The following ARHGEF18 variants were observed in gnomAD, a reference collection of about 807,000 sequenced individuals.
ARHGEF18 encodes the protein Rho/Rac guanine nucleotide exchange factor 18, also known as rho guanine nucleotide exchange factor 18.
In ARHGEF18, 93 loss-of-function variants were observed where a neutral mutation model predicts 155.7. The ratio of observed to expected loss-of-function variants is 0.60; its 90% CI spans 0.50 to 0.71. The LOEUF is 0.71. Among genes scored for constraint, ARHGEF18 ranks in the 30% least tolerant of loss-of-function variants. ARHGEF18 has a pLI of 0.00. For synonymous variants in ARHGEF18, 742 were observed against 753.1 expected (o/e 0.99, Z 0.24); for missense variants, 1,593 against 1,816.1 (o/e 0.88, Z 2.23).
chr19:7,464,993 C>T (rs894843335), intron 23 of ARHGEF18, among the ~76,000 whole-genome samples: 24 of 152,288 alleles, frequency 1.6e-4, no homozygotes, highest in African/African-American at 5.5e-4. Flanking sequence ...AGCTTTCAGC[C>T]GGGGCAGGTG....
In ARHGEF18 at chr19:7,462,409, A is replaced by G; in HGVS notation, c.2635+75A>G. ...CCTCAGGGAACCCCAGGCCAGGCTCACGGCTCATTGTGGCCGACACGGCAC... is the reference window on the plus strand; with the variant it reads ...CCTCAGGGAACCCCAGGCCAGGCTCGCGGCTCATTGTGGCCGACACGGCAC... On this transcript the variant is annotated intron_variant, in intron 21 of 28. Coordinates refer to ENST00000668164, the MANE Select transcript of ARHGEF18 (RefSeq NM_001367823.1). This position sits in a 1 kb window ranked among gnomAD's most constrained non-coding sequence, Gnocchi z 4.4. 6.9e-7 allele frequency: 1 copy of G among 1,454,478 alleles called. No homozygotes were observed. Among genetic ancestry groups the G allele is most frequent in the African/African-American group, 1.4e-5 (1 of 70,038 alleles). 90.1% of individuals were successfully genotyped at this position (1,454,478 alleles called of 1,614,324 possible).
At chr19:7,479,465 C>A in the ARHGEF18 span, among the ~76,000 whole-genome samples, 1 of 152,190 alleles carries the variant, frequency 6.6e-6, no homozygotes, top group East Asian at 1.9e-4. Flanking sequence ...GCCTGGGCGA[C>A]AGAGGAAGAC....
intron 16 of ARHGEF18, among the ~76,000 whole-genome samples, chr19:7,451,664 C>A (rs1975484878): frequency 6.6e-6 from 1 of 151,930 alleles, no homozygotes; most frequent in Non-Finnish European, 1.5e-5. Flanking sequence ...ATCCTCCCAC[C>A]TCGGTCTCTC....
At position 7,440,144 on chromosome 19, in the gene ARHGEF18, G is replaced by C. The variant is rs559165201; in HGVS notation, c.968-200G>C. On this transcript the variant is annotated intron_variant, in intron 10 of 28. Coordinates refer to ENST00000668164, the MANE Select transcript of ARHGEF18 (RefSeq NM_001367823.1). The surrounding 1 kb of genome is among the most constrained non-coding windows in gnomAD (Gnocchi z 5.4). ...CCAAAAGCGGGGACAGGCACAGCGC[G>C]CTCCCCGGCCGCCCCGAGCTGTCTT... 5 of 1,551,122 alleles carry C rather than the reference G, an allele frequency of 3.2e-6. No individual in the cohort carries two copies. The highest frequency in any genetic ancestry group is 1.4e-5 in the African/African-American group (1 of 73,020).
At chr19:7,392,259 AAAG>A (rs1237073400) in intron 10 of ARHGEF18, among the ~76,000 whole-genome samples, 1 of 151,536 alleles carries the variant, frequency 6.6e-6, no homozygotes, top group African/African-American at 2.4e-5. Flanking sequence ...AAAAAAAAAA[AAAG>A]ACTCATAAAT....
intron 10 of ARHGEF18, among the ~76,000 whole-genome samples, chr19:7,436,261 T>G (rs954926053): frequency 6.6e-6 from 1 of 151,818 alleles, no homozygotes; most frequent in Non-Finnish European, 1.5e-5. Flanking sequence ...ACATGCTGTT[T>G]TTTTTGTTTG....
Position 7,453,357 on chromosome 19 carries a change from A to C in ARHGEF18, c.1856-110A>C, listed in dbSNP as rs570122538. On this transcript the variant is annotated intron_variant, in intron 16 of 28. Coordinates refer to ENST00000668164, the MANE Select transcript of ARHGEF18 (RefSeq NM_001367823.1). ...CCTCATAGATCCCACACGCCCATAC[A>C]TAGTGTGTCCACACACCTCATAGAT... The C allele has an allele frequency of 4.4e-6, 6 of 1,351,848 alleles. No individual in the cohort carries two copies. The African/African-American group carries it at 9.4e-5, about 21-fold the overall frequency. The allele number at this position is 1,351,848 out of a possible 1,614,324, so 83.7% of individuals were successfully genotyped here. A position where few individuals can be genotyped will look rare whatever the true frequency, so the allele number is the denominator to read the frequency against.
In ARHGEF18 at chr19:7,444,241, C is replaced by G. The variant is rs769911618; in HGVS notation, c.1398C>G (p.Leu466=). The change falls in exon 14 of 29, where the codon CTC becomes CTG. Residue 466 remains leucine (L), a synonymous_variant. Coordinates refer to ENST00000668164, the MANE Select transcript of ARHGEF18 (RefSeq NM_001367823.1). This position sits in a 1 kb window ranked among gnomAD's most constrained non-coding sequence, Gnocchi z 4.7. ...MQTEVHHVRT[L]KIMLKVYSRA... is the part of the protein sequence containing the mutation. ...CAGAGGTGCACCACGTGCGGACGCT[C>G]AAGATCATGCTGAAGGTGTACTCCA... The G allele has an allele frequency of 2.2e-5, 36 of 1,613,566 alleles. No individual in the cohort carries two copies. The Middle Eastern group carries it at 8.3e-4, about 37-fold the overall frequency.
chr19:7,362,073 G>GAA (rs1969610458), intron 1 of ARHGEF18, among the ~76,000 whole-genome samples: 3 of 23,180 alleles, frequency 1.3e-4, no homozygotes, highest in Non-Finnish European at 2.4e-4. Flanking sequence ...AGGAGAAGGA[G>GAA]AAGGAGAAGG....
At chr19:7,378,087 T>C (rs114141263) in intron 5 of ARHGEF18, among the ~76,000 whole-genome samples, 2,254 of 151,926 alleles carry the variant, frequency 0.015, 62 homozygotes, top group African/African-American at 0.053. Flanking sequence ...AGCGAGACTG[T>C]GTCTAAGGAA....
chr19:7,469,213 C>T (rs1976861875), intron 27 of ARHGEF18, 82 bp downstream of exon 27: 7 of 1,432,764 alleles, frequency 4.9e-6, no homozygotes, highest in African/African-American at 1.4e-5. Flanking sequence ...CCAGGAAATT[C>T]GGGACACCTG....
chr19:7,467,329 G>A lies in ARHGEF18; in HGVS notation c.3125G>A (p.Arg1042Gln). 1 of 1,538,448 alleles carries A rather than the reference G, an allele frequency of 6.5e-7. No individual in the cohort carries two copies. Among genetic ancestry groups the A allele is most frequent in the Non-Finnish European group, 8.7e-7 (1 of 1,146,944 alleles). Residue 1042 changes from arginine (R) to glutamine (Q), a missense_variant, in exon 26 of 29, where the codon CGG becomes CAG. Coordinates refer to ENST00000668164, the MANE Select transcript of ARHGEF18 (RefSeq NM_001367823.1). ...GGGAACCTGCTGCTGGAGCAGGAGCGGCAACGCAACTTCGAGAAGCAGCGG... is the reference window on the plus strand; with the variant it reads ...GGGAACCTGCTGCTGGAGCAGGAGCAGCAACGCAACTTCGAGAAGCAGCGG... ...TRGNLLLEQERQRNFEKQREE... is the reference protein window; with the variant it reads ...TRGNLLLEQEQQRNFEKQREE...
At chr19:7,388,387 C>G (rs1236473270) in intron 10 of ARHGEF18, among the ~76,000 whole-genome samples, 1 of 151,626 alleles carries the variant, frequency 6.6e-6, no homozygotes, top group African/African-American at 2.4e-5. Flanking sequence ...AACTACTGAG[C>G]CCGGTCTGTA....
rs563273859 is a variant in ARHGEF18, at chr19:7,379,104, C to T, written c.600-18C>T. The stretch of plus-strand genomic sequence containing the variant: ...GGAGCTACCATGGGCTGTTCTAATC[C>T]CACCTCCACCCCCACAGGCTGATTG... On this transcript the variant is annotated intron_variant, in intron 6 of 28. Coordinates refer to ENST00000668164, the MANE Select transcript of ARHGEF18 (RefSeq NM_001367823.1). The T allele has an allele frequency of 4.9e-6, 6 of 1,232,298 alleles. No homozygotes were observed. In the East Asian group the frequency reaches 1.6e-4, roughly 32 times the overall value. The allele number at this position is 1,232,298 out of a possible 1,614,324, so 76.3% of individuals were successfully genotyped here.
chr19:7,425,298 A>T (rs548877620), intron 10 of ARHGEF18, among the ~76,000 whole-genome samples: 1 of 151,992 alleles, frequency 6.6e-6, no homozygotes, highest in Non-Finnish European at 1.5e-5. Flanking sequence ...TTGGTCTTAC[A>T]CATTTAGAGA....
intron 5 of ARHGEF18, among the ~76,000 whole-genome samples, chr19:7,377,286 G>T (rs1970507011): frequency 6.6e-6 from 1 of 152,042 alleles, no homozygotes; most frequent in African/African-American, 2.4e-5. Context: ...GGCCAGGCTG[G>T]TCTCAAAGTC....
rs138853641 is a variant in ARHGEF18 at position 7,369,155 on chromosome 19, G to A, written c.16-3657G>A. Among the ~76,000 whole-genome samples, 1,252 of 149,160 alleles carry A rather than the reference G, an allele frequency of 8.4e-3. 15 individuals are homozygous for A. The highest frequency in any genetic ancestry group is 0.03 in the African/African-American group (1,201 of 40,688). On this transcript the variant is annotated intron_variant, in intron 2 of 28. Transcript: ENST00000668164. ...GCAGCCTGGCCAAGATGGTGAAACCGTGTCTCTACTAAAAATACAAAATTA... is the reference window on the plus strand; with the variant it reads ...GCAGCCTGGCCAAGATGGTGAAACCATGTCTCTACTAAAAATACAAAATTA...
chr19:7,360,023 T>C (rs376459569), intron 1 of ARHGEF18, among the ~76,000 whole-genome samples: 2 of 152,112 alleles, frequency 1.3e-5, no homozygotes, highest in East Asian at 3.9e-4. Flanking sequence ...GACATGGTGG[T>C]ACACATCGGT....
At chr19:7,373,937 T>A (rs1467123693) in intron 3 of ARHGEF18, among the ~76,000 whole-genome samples, 7 of 151,644 alleles carry the variant, frequency 4.6e-5, no homozygotes, top group Non-Finnish European at 8.8e-5. Context: ...TTTTTTGTAT[T>A]TTTAGTAGAG....
Sources: gnomAD v4.1 joint callset for allele counts (sites outside exome capture counted in the v4.1 genomes callset) on GRCh38, gnomAD v4.1.1 for gene constraint, Gnocchi (gnomAD v3.1) non-coding constraint, MANE v1.5 for transcripts, NCBI Gene and HGNC (gene_info 2026-07-23, HGNC 2026-07-21) for gene names.